The following WDR81 variants were observed in gnomAD, a reference collection of about 807,000 sequenced individuals.
WDR81 encodes WD repeat-containing protein 81.
A neutral mutation model predicts 140.8 loss-of-function variants in WDR81; 92 were observed. That is an observed-to-expected ratio of 0.65 (90% CI 0.55 to 0.78). WDR81 has a LOEUF of 0.78. Among genes scored for constraint, WDR81 ranks in the 30% least tolerant of loss-of-function variants. The pLI, the probability that WDR81 is intolerant of heterozygous loss-of-function variation, is 0.00. For missense variants in WDR81, 2,502 were observed against 2,636.4 expected (o/e 0.95, Z 1.12); for synonymous variants, 1,183 against 1,156.4 (o/e 1.02, Z -0.47).
At chr17:1,734,938 T>C (rs909710295) in intron 7 of WDR81, among the ~76,000 whole-genome samples, 1 of 151,996 alleles carries the variant, frequency 6.6e-6, no homozygotes, top group Non-Finnish European at 1.5e-5. Flanking sequence ...GAGGTGGCAT[T>C]GGGTCAGCAG....
Position 1,725,418 on chromosome 17 carries a change from T to A in WDR81, c.459T>A (p.His153Gln), listed in dbSNP as rs138919293. Residue 153 changes from histidine (H) to glutamine (Q), a missense_variant, in exon 1 of 10, where the codon CAT (histidine) becomes CAA (glutamine). His to Gln is a conservative substitution (Grantham distance 24). Transcript: ENST00000409644. ...AGAATTATCGCAACCTGTGGCGCCATGCATACCACACTTACGGCCAGCCGT... is the reference window on the plus strand; with the variant it reads ...AGAATTATCGCAACCTGTGGCGCCAAGCATACCACACTTACGGCCAGCCGT... ...AAQNYRNLWR[H>Q]AYHTYGQPYS... 6.5e-6 allele frequency: 10 copies of A among 1,549,674 alleles called. No individual in the cohort carries two copies. In the African/African-American group the frequency reaches 1.2e-4, roughly 19 times the overall value.
Position 1,727,793 on chromosome 17 carries a change from T to C in WDR81, c.2834T>C (p.Leu945Pro), listed in dbSNP as rs1403387801. 1 of 1,550,654 alleles carries C rather than the reference T, an allele frequency of 6.4e-7. No homozygotes were observed. Among genetic ancestry groups the C allele is most frequent in the Non-Finnish European group, 8.7e-7 (1 of 1,146,972 alleles). ...EHTAVYTAWY[L>P]FEPVAKALGP... is the part of the protein sequence containing the mutation. ...ACAGCTGTGTACACGGCCTGGTATC[T>C]GTTTGAGCCTGTTGCCAAGGCACTG... Residue 945 changes from leucine to proline, a missense_variant, in exon 1 of 10, where the codon CTG becomes CCG. Leu to Pro is a moderately conservative substitution (Grantham distance 98, BLOSUM62 -3). Around this residue, in one of 3 missense-constraint regions of WDR81, gnomAD observed 1,737 missense variants for 1,843.0 expected, o/e 0.94. Coordinates refer to ENST00000409644, the MANE Select transcript of WDR81 (RefSeq NM_001163809.2).
intron 1 of WDR81, among the ~76,000 whole-genome samples, chr17:1,717,481 C>G (rs753655766): frequency 7.9e-5 from 12 of 152,156 alleles, no homozygotes; most frequent in Non-Finnish European, 1.5e-4. Flanking sequence ...CTGTTAAATA[C>G]GCACTCCATC....
At position 1,728,503 on chromosome 17, in the gene WDR81, A is replaced by G. The variant is rs1915458501; in HGVS notation, c.3544A>G (p.Thr1182Ala). Residue 1182 changes from threonine (T) to alanine (A), a missense_variant, in exon 1 of 10, where the codon ACT becomes GCT. Around this residue, in one of 3 missense-constraint regions of WDR81, gnomAD observed 1,737 missense variants for 1,843.0 expected, o/e 0.94. Transcript: ENST00000409644. ...QEEVTGASELTLSDTVLSMET... is the reference protein window; with the variant it reads ...QEEVTGASELALSDTVLSMET... ...GGAGGTCACCGGGGCATCTGAGCTC[A>G]CTCTGTCTGACACGGTGCTGTCCAT... The G allele has an allele frequency of 1.3e-6, 2 of 1,588,154 alleles. No homozygotes were observed. Among genetic ancestry groups the G allele is most frequent in the Non-Finnish European group, 1.7e-6 (2 of 1,166,504 alleles).
chr17:1,727,003 T>C lies in WDR81; in HGVS notation c.2044T>C (p.Ser682Pro), dbSNP rs1405302832. 1 of 1,550,334 alleles carries C rather than the reference T, an allele frequency of 6.5e-7. No individual in the cohort carries two copies. Among genetic ancestry groups the C allele is most frequent in the South Asian group, 1.2e-5 (1 of 84,048 alleles). Reference protein sequence around the residue: ...AGKAGDQLGSSSQASPGLLSF... With the variant: ...AGKAGDQLGSPSQASPGLLSF... The stretch of plus-strand genomic sequence containing the variant: ...GAAAGCAGGTGACCAGCTGGGCTCC[T>C]CCAGTCAAGCGTCCCCTGGACTTCT... The change falls in exon 1 of 10, where the codon TCC becomes CCC. Residue 682 changes from serine (S) to proline (P), a missense_variant. Coordinates refer to ENST00000409644, the MANE Select transcript of WDR81 (RefSeq NM_001163809.2).
chr17:1,726,768 C>T lies in WDR81; in HGVS notation c.1809C>T (p.Pro603=). 1 of 1,548,314 alleles carries T rather than the reference C, an allele frequency of 6.5e-7. No homozygotes were observed. Among genetic ancestry groups the T allele is most frequent in the East Asian group, 2.4e-5 (1 of 40,892 alleles). ...CTCCTGCCCTTGCCCCCGAGCCTCCCCTCATCCCCAAGCTGTTGGTCCAGA... is the reference window on the plus strand; with the variant it reads ...CTCCTGCCCTTGCCCCCGAGCCTCCTCTCATCCCCAAGCTGTTGGTCCAGA... The part of the protein sequence containing the change: ...AGAPALAPEP[P]LIPKLLVQTI... The change falls in exon 1 of 10, where the codon CCC becomes CCT. Residue 603 remains proline (P), a synonymous_variant. Coordinates refer to ENST00000409644, the MANE Select transcript of WDR81 (RefSeq NM_001163809.2).
intron 1 of WDR81, chr17:1,716,729 T>C (rs1265849546): frequency 7.3e-7 from 1 of 1,373,320 alleles, no homozygotes; most frequent in Non-Finnish European, 1.0e-6. Flanking sequence ...GTGCTTCTTT[T>C]AGACATTCCC....
rs1915642712 is a variant in WDR81, at chr17:1,730,787, G to A, written c.3808G>A (p.Gly1270Ser). ...PTRQQFTVSS[G>S]ESPPLSAGNI... ...TCGGCAGCAGTTCACAGTGAGCAGTGGCGAGAGCCCACCGCTGAGCGCCGG... is the reference window on the plus strand; with the variant it reads ...TCGGCAGCAGTTCACAGTGAGCAGTAGCGAGAGCCCACCGCTGAGCGCCGG... Residue 1270 changes from glycine (G) to serine (S), a missense_variant, in exon 3 of 10, where the codon GGC (glycine) becomes AGC (serine). Gly to Ser is a moderately conservative substitution (Grantham distance 56). This residue lies in a region of WDR81 where 1,737 missense variants were observed against 1,843.0 expected (regional missense o/e 0.94). Coordinates refer to ENST00000409644, the MANE Select transcript of WDR81 (RefSeq NM_001163809.2). The A allele has an allele frequency of 6.2e-7, 1 of 1,611,938 alleles. No homozygotes were observed. Among genetic ancestry groups the A allele is most frequent in the South Asian group, 1.1e-5 (1 of 91,064 alleles).
At chr17:1,721,852 G>A (rs1274396188), upstream of WDR81, among the ~76,000 whole-genome samples, 1 of 149,872 alleles carries the variant, frequency 6.7e-6, no homozygotes, top group Non-Finnish European at 1.5e-5. Context: ...GGCCGGGCAC[G>A]GTGGCTCACA....
chr17:1,721,497 TG>T (rs1227051633), upstream of WDR81, among the ~76,000 whole-genome samples: 1 of 149,172 alleles, frequency 6.7e-6, no homozygotes, highest in East Asian at 2.0e-4. Context: ...GCAGCCTGGG[TG>T]ACAGAGTGAG....
upstream of WDR81, among the ~76,000 whole-genome samples, chr17:1,723,376 G>T (rs1196243220): frequency 6.6e-6 from 1 of 151,334 alleles, no homozygotes; most frequent in African/African-American, 2.4e-5. Context: ...CCCTCAGACA[G>T]CCCAGGGTTT....
upstream of WDR81, among the ~76,000 whole-genome samples, chr17:1,723,990 A>G (rs1269479319): frequency 6.6e-6 from 1 of 152,142 alleles, no homozygotes; most frequent in Non-Finnish European, 1.5e-5. Context: ...ATGGAATGTG[A>G]CTGTTGAAGT....
chr17:1,737,603 C>G lies in WDR81; in HGVS notation c.5744C>G (p.Thr1915Arg). The G allele has an allele frequency of 6.2e-7, 1 of 1,612,786 alleles. No individual in the cohort carries two copies. The highest frequency in any genetic ancestry group is 8.5e-7 in the Non-Finnish European group (1 of 1,179,994). Residue 1915 changes from threonine to arginine, a missense_variant, in exon 10 of 10, where the codon ACG becomes AGG. Thr to Arg is a moderately conservative substitution (Grantham distance 71). Transcript: ENST00000409644. ...CTCAGCTCTGAGAACTTCCGCGGCACGCTCACCAGCCTGGCCTTGCTGCCC... is the reference window on the plus strand; with the variant it reads ...CTCAGCTCTGAGAACTTCCGCGGCAGGCTCACCAGCCTGGCCTTGCTGCCC... Reference protein sequence around the residue: ...TKLSSENFRGTLTSLALLPTK... With the variant: ...TKLSSENFRGRLTSLALLPTK...
Position 1,725,297 on chromosome 17 carries a change from G to T in WDR81, c.338G>T (p.Arg113Leu), listed in dbSNP as rs974954126. Residue 113 changes from arginine (R) to leucine (L), a missense_variant, in exon 1 of 10, where the codon CGG becomes CTG. Around this residue, in one of 3 missense-constraint regions of WDR81, gnomAD observed 547 missense variants for 513.8 expected, o/e 1.06. Coordinates refer to ENST00000409644, the MANE Select transcript of WDR81 (RefSeq NM_001163809.2). ...TRVEVHGLRK[R>L]RLSYPLGGGL... ...GTGGAGGTGCATGGGCTGCGGAAGC[G>T]GAGACTGTCCTACCCTCTGGGCGGG... 6.5e-7 allele frequency: 1 copy of T among 1,547,622 alleles called. No homozygotes were observed. Among genetic ancestry groups the T allele is most frequent in the African/African-American group, 1.4e-5 (1 of 73,066 alleles).
At position 1,737,998 on chromosome 17, in the gene WDR81, A is replaced by C; in HGVS notation, c.*313A>C. On this transcript the variant is annotated 3_prime_UTR_variant, in exon 10 of 10. Transcript: ENST00000409644. ...CCCCAGCTCTGCCCTCTGGGTCCAC[A>C]TGAGGACAGGGAAGCTCGGGAAGGG... 5 of 457,160 alleles carry C rather than the reference A, an allele frequency of 1.1e-5. No individual in the cohort carries two copies. The highest frequency in any genetic ancestry group is 4.2e-5 in the East Asian group (1 of 24,028). The allele number at this position is 457,160 out of a possible 1,614,324, so 28.3% of individuals were successfully genotyped here. A position where few individuals can be genotyped will look rare whatever the true frequency, so the allele number is the denominator to read the frequency against.
chr17:1,737,717 G>T lies in WDR81; in HGVS notation c.*32G>T. On this transcript the variant is annotated 3_prime_UTR_variant, in exon 10 of 10. Coordinates refer to ENST00000409644, the MANE Select transcript of WDR81 (RefSeq NM_001163809.2). ...GCAGGAGCTGGCCGGGCAAGGGTGG[G>T]AAGACATCTGCGGGCGCGTGTCCAC... The T allele has an allele frequency of 6.4e-7, 1 of 1,574,700 alleles. No homozygotes were observed. Among genetic ancestry groups the T allele is most frequent in the South Asian group, 1.2e-5 (1 of 85,572 alleles).
At chr17:1,736,271 C>A (rs1904863428) in intron 9 of WDR81, 53 bp downstream of exon 9, 2 of 1,558,910 alleles carry the variant, frequency 1.3e-6, no homozygotes, top group East Asian at 2.3e-5. Flanking sequence ...CCCTGTCCAG[C>A]CATCACCCCT....
At position 1,737,705 on chromosome 17, in the gene WDR81, G is replaced by C. The variant is rs748224837; in HGVS notation, c.*20G>C. On this transcript the variant is annotated 3_prime_UTR_variant, in exon 10 of 10. Coordinates refer to ENST00000409644, the MANE Select transcript of WDR81 (RefSeq NM_001163809.2). Reference sequence around the variant, plus strand: ...GCATAGACTGAGGCAGGAGCTGGCCGGGCAAGGGTGGGAAGACATCTGCGG... The same window carrying C: ...GCATAGACTGAGGCAGGAGCTGGCCCGGCAAGGGTGGGAAGACATCTGCGG... The C allele has an allele frequency of 6.3e-7, 1 of 1,586,896 alleles. No individual in the cohort carries two copies. Among genetic ancestry groups the C allele is most frequent in the Non-Finnish European group, 8.6e-7 (1 of 1,168,076 alleles).
At chr17:1,719,646 T>G (rs960536811) in intron 1 of WDR81, among the ~76,000 whole-genome samples, 6 of 151,830 alleles carry the variant, frequency 4.0e-5, no homozygotes, top group Non-Finnish European at 8.8e-5. Context: ...GGTGGATCAC[T>G]TTGAGCCCAA....
Sources: allele counts gnomAD v4.1 joint callset (sites outside exome capture counted in the v4.1 genomes callset), GRCh38; gene constraint gnomAD v4.1.1; regional missense constraint gnomAD v4.1.1; transcripts MANE v1.5; gene names NCBI Gene and HGNC (gene_info 2026-07-23, HGNC 2026-07-21).